PLGRKT: variants seen among roughly 807,000 people sequenced by gnomAD.
The protein encoded by PLGRKT is plasminogen receptor with a C-terminal lysine, also known as plasminogen receptor (KT).
In PLGRKT, 22 loss-of-function variants were observed where a neutral mutation model predicts 18.5. The ratio of observed to expected loss-of-function variants is 1.19; its 90% confidence interval spans 0.85 to 1.70. The LOEUF (loss-of-function observed/expected upper bound fraction) is 1.70. Among genes scored for constraint, PLGRKT ranks in the 40% most tolerant of loss-of-function variants. The pLI, the probability that PLGRKT is intolerant of heterozygous loss-of-function variation, is 0.00. For missense variants in PLGRKT, 235 were observed against 174.4 expected, an observed-to-expected ratio of 1.35 and a Z score of -1.96; for synonymous variants, 72 against 52.8, an observed-to-expected ratio of 1.36 and a Z score of -1.58.
At chr9:5,372,602 C>T (rs1305618053) in intron 3 of PLGRKT, among the ~76,000 whole-genome samples, 1 of 152,212 alleles carries the variant, frequency 6.6e-6, no homozygotes, top group Non-Finnish European at 1.5e-5. Context: ...CAGCTACTGC[C>T]TCCTGCCACA....
At chr9:5,382,317 T>C (rs934874946) in intron 3 of PLGRKT, among the ~76,000 whole-genome samples, 1 of 152,132 alleles carries the variant, frequency 6.6e-6, no homozygotes, top group Non-Finnish European at 1.5e-5. Context: ...CAGGGCATTA[T>C]GAAAGTGCAT....
In PLGRKT at chr9:5,371,986, C is replaced by CTTTTTTTT. The variant is rs71326158; in HGVS notation, c.82-10106_82-10099dup. Among the ~76,000 whole-genome samples the CTTTTTTTT allele has an allele frequency of 1.7e-3, 149 of 89,114 alleles. 20 individuals are homozygous for CTTTTTTTT. The highest frequency in any genetic ancestry group is 3.5e-3 in the South Asian group (8 of 2,276). The allele number at this position is 89,114 out of a possible 152,430, so 58.5% of individuals were successfully genotyped here. ...CTGCAAAAAACAATATCAGAAAATC[C>CTTTTTTTT]TTTTTTTTTTTTTGATATGGAGTCT... On this transcript the variant is annotated intron_variant, in intron 3 of 5. Transcript: ENST00000223864.
chr9:5,428,602 C>A (rs12347953), intron 3 of PLGRKT, among the ~76,000 whole-genome samples: 14 of 152,200 alleles, frequency 9.2e-5, no homozygotes, highest in African/African-American at 3.4e-4. Flanking sequence ...CCTCCCTGCC[C>A]CTCTCCCCTA....
At chr9:5,385,912 G>C (rs1034903163) in intron 3 of PLGRKT, among the ~76,000 whole-genome samples, 3 of 151,822 alleles carry the variant, frequency 2.0e-5, no homozygotes, top group Non-Finnish European at 1.5e-5. Flanking sequence ...TTGCCCATTA[G>C]CATTATTTTA....
At position 5,385,326 on chromosome 9, in the gene PLGRKT, A is replaced by AT. The variant is rs1817821756; in HGVS notation, c.82-23439dup. On this transcript the variant is annotated intron_variant, in intron 3 of 5. Transcript: ENST00000223864. ...CTCATCTGCTTGAGTTGAAAAGGAC[A>AT]TCTTGGTATATGTCTTTTATCCACC... 2.0e-5 allele frequency among the ~76,000 whole-genome samples: 3 copies of AT among 151,726 alleles called. No individual in the cohort carries two copies. In the South Asian group the frequency reaches 6.3e-4, roughly 32 times the overall value.
chr9:5,433,834 C>T lies in PLGRKT; in HGVS notation c.-6-1851G>A, dbSNP rs147125731. Among the ~76,000 whole-genome samples, 586 of 135,958 alleles carry T rather than the reference C, an allele frequency of 4.3e-3. 12 individuals are homozygous for T. The highest frequency in any genetic ancestry group is 0.016 in the African/African-American group (551 of 34,418). The allele number at this position is 135,958 out of a possible 152,430, so 89.2% of individuals were successfully genotyped here. A position where few individuals can be genotyped will look rare whatever the true frequency, so the allele number is the denominator to read the frequency against. ...GAAGTGAGGAGCGTCTCTGCCTGAG[C>T]GCCCATCATCTGGGATGTGAGGAGC... On this transcript the variant is annotated intron_variant, in intron 2 of 5. Coordinates refer to ENST00000223864, the MANE Select transcript of PLGRKT (RefSeq NM_018465.4).
At chr9:5,435,950 T>C (rs1025156036) in intron 2 of PLGRKT, among the ~76,000 whole-genome samples, 2 of 152,234 alleles carry the variant, frequency 1.3e-5, no homozygotes, top group African/African-American at 4.8e-5. Context: ...AGGATACACC[T>C]GGAGTTTCAG....
In PLGRKT at chr9:5,361,067, CAA is replaced by C; in HGVS notation, c.322+9_322+10del. The C allele has an allele frequency of 7.5e-7, 1 of 1,333,634 alleles. No homozygotes were observed. The highest frequency in any genetic ancestry group is 1.2e-5 in the South Asian group (1 of 81,416). 82.6% of individuals were successfully genotyped at this position (1,333,634 alleles called of 1,614,324 possible). A position where few individuals can be genotyped will look rare whatever the true frequency, so the allele number is the denominator to read the frequency against. ...TCAGCAAATAGAAACTCTAGTTTACCAAAGACTTACCTTTCATTCTTTCTAAA... is the reference window on the plus strand; with the variant it reads ...TCAGCAAATAGAAACTCTAGTTTACCAGACTTACCTTTCATTCTTTCTAAA... On this transcript the variant is annotated intron_variant, in intron 5 of 5. Transcript: ENST00000223864.
intron 3 of PLGRKT, among the ~76,000 whole-genome samples, chr9:5,409,447 A>G (rs2131140626): frequency 6.6e-6 from 1 of 152,156 alleles, no homozygotes; most frequent in East Asian, 1.9e-4. Context: ...CAATTTTGGA[A>G]CTCGGACTGG....
intron 3 of PLGRKT, among the ~76,000 whole-genome samples, chr9:5,400,856 A>G (rs1484980328): frequency 1.3e-5 from 2 of 151,928 alleles, no homozygotes; most frequent in Non-Finnish European, 2.9e-5. Context: ...CTATTCAGCC[A>G]TATGATGTAA....
chr9:5,432,785 C>T (rs1389378567), intron 2 of PLGRKT, among the ~76,000 whole-genome samples: 6 of 152,192 alleles, frequency 3.9e-5, no homozygotes, highest in African/African-American at 1.2e-4. Context: ...GACGGAGTCT[C>T]GCTCATTCAG....
rs559968776 is a variant in PLGRKT, at chr9:5,406,310, G to A, written c.81+25587C>T. Among the ~76,000 whole-genome samples the A allele has an allele frequency of 4.6e-5, 7 of 152,198 alleles. 1 individual carries two copies. The highest frequency in any genetic ancestry group is 2.1e-4 in the South Asian group (1 of 4,820). ...TTCTGTTATAAAGACATATACATACGTATGTTCACTGCAGCACTATTCACA... is the reference window on the plus strand; with the variant it reads ...TTCTGTTATAAAGACATATACATACATATGTTCACTGCAGCACTATTCACA... On this transcript the variant is annotated intron_variant, in intron 3 of 5. Transcript: ENST00000223864.
chr9:5,433,003 G>A (rs1818862080), intron 2 of PLGRKT, among the ~76,000 whole-genome samples: 1 of 151,900 alleles, frequency 6.6e-6, no homozygotes, highest in Non-Finnish European at 1.5e-5. Flanking sequence ...ACCCCGTCTA[G>A]GAAGTGAGGA....
At chr9:5,409,222 C>T (rs1425809346) in intron 3 of PLGRKT, among the ~76,000 whole-genome samples, 5 of 152,152 alleles carry the variant, frequency 3.3e-5, no homozygotes, top group Non-Finnish European at 5.9e-5. Context: ...CTGGGTATAT[C>T]TGTGAGGGTG....
At chr9:5,392,087 A>G (rs1452450770) in intron 3 of PLGRKT, among the ~76,000 whole-genome samples, 1 of 151,984 alleles carries the variant, frequency 6.6e-6, no homozygotes, top group Non-Finnish European at 1.5e-5. Flanking sequence ...AAGGCTAAGC[A>G]TGCTGAACAC....
intron 3 of PLGRKT, among the ~76,000 whole-genome samples, chr9:5,396,493 C>A (rs1242318948): frequency 1.3e-5 from 2 of 151,720 alleles, no homozygotes; most frequent in Non-Finnish European, 2.9e-5. Context: ...CAGGGTTTCA[C>A]CATGTTGGCC....
intron 3 of PLGRKT, among the ~76,000 whole-genome samples, chr9:5,370,706 C>T (rs577305412): frequency 1.3e-5 from 2 of 152,118 alleles, no homozygotes; most frequent in Admixed American, 6.5e-5. Context: ...TTTATCTATG[C>T]CTTTGTTAAC....
chr9:5,369,137 C>T (rs1196259186), intron 3 of PLGRKT, among the ~76,000 whole-genome samples: 1 of 152,148 alleles, frequency 6.6e-6, no homozygotes, highest in African/African-American at 2.4e-5. Flanking sequence ...AGCTTCTGCA[C>T]AGCAAAAGAA....
chr9:5,375,505 T>C (rs530109390), intron 3 of PLGRKT, among the ~76,000 whole-genome samples: 38 of 152,192 alleles, frequency 2.5e-4, no homozygotes, highest in Non-Finnish European at 4.6e-4. Context: ...AATGAAATAA[T>C]AAATACATGT....
Sources: gnomAD v4.1 joint callset for allele counts (sites outside exome capture counted in the v4.1 genomes callset) on GRCh38, gnomAD v4.1.1 for gene constraint, MANE v1.5 for transcripts, NCBI Gene and HGNC (gene_info 2026-07-23, HGNC 2026-07-21) for gene names.